Variants in WASF2 observed in about 807,000 individuals in gnomAD.
WASF2 encodes the protein WASP family member 2.
A neutral mutation model predicts 45.0 loss-of-function variants in WASF2; 14 were observed. The observed-to-expected ratio is 0.31, with a 90% confidence interval of 0.21 to 0.49. WASF2 has a LOEUF of 0.49. WASF2 is among the 20% of genes least tolerant of loss of function. The probability of loss-of-function intolerance (pLI) is 0.99; values close to 1 mark genes in which losing one functional copy is unlikely to be tolerated. For missense variants in WASF2, 439 were observed against 636.1 expected (o/e 0.69, Z 3.33); for synonymous variants, 200 against 236.3 (o/e 0.85, Z 1.41).
At chr1:27,466,905 T>C (rs1361337475) in intron 1 of WASF2, among the ~76,000 whole-genome samples, 5 of 152,072 alleles carry the variant, frequency 3.3e-5, no homozygotes, top group African/African-American at 9.7e-5. Context: ...TGTCATTATA[T>C]TAATGTTAAA....
At chr1:27,473,635 T>A (rs942508728) in intron 1 of WASF2, among the ~76,000 whole-genome samples, 6 of 152,134 alleles carry the variant, frequency 3.9e-5, no homozygotes, top group African/African-American at 1.4e-4. Flanking sequence ...AAACCAATTT[T>A]ACCACAGTCT....
At chr1:27,445,301 A>G (rs2017296500) in intron 1 of WASF2, among the ~76,000 whole-genome samples, 1 of 152,244 alleles carries the variant, frequency 6.6e-6, no homozygotes, top group Non-Finnish European at 1.5e-5. Flanking sequence ...ACCCAGAGTG[A>G]TTCATAACTT....
At chr1:27,438,435 C>A (rs1054339030) in intron 1 of WASF2, among the ~76,000 whole-genome samples, 11 of 152,194 alleles carry the variant, frequency 7.2e-5, no homozygotes, top group African/African-American at 2.4e-4. Context: ...ACCTGGCTAG[C>A]TGTGTAACCA....
intron 1 of WASF2, among the ~76,000 whole-genome samples, chr1:27,453,619 G>A (rs1414061587): frequency 1.4e-5 from 2 of 143,336 alleles, no homozygotes; most frequent in African/African-American, 2.6e-5. Context: ...AGGGCCAAGC[G>A]CGGTGGCTCA....
chr1:27,418,881 A>T (rs532502722), intron 3 of WASF2, 73 bp downstream of exon 3: 412 of 1,367,896 alleles, frequency 3.0e-4, no homozygotes, highest in East Asian at 5.2e-4. Context: ...TTTTTTTTTT[A>T]AATAAATCAG....
At chr1:27,411,056 G>A (rs2016754888) in intron 7 of WASF2, among the ~76,000 whole-genome samples, 1 of 152,210 alleles carries the variant, frequency 6.6e-6, no homozygotes, top group Non-Finnish European at 1.5e-5. Flanking sequence ...GCATCTGACA[G>A]GGCCACCAGC....
At chr1:27,469,105 GT>G (rs1302383526) in intron 1 of WASF2, among the ~76,000 whole-genome samples, 1 of 152,112 alleles carries the variant, frequency 6.6e-6, no homozygotes, top group African/African-American at 2.4e-5. Flanking sequence ...GTGTGGTTAT[GT>G]TTTTTAAAAA....
At chr1:27,484,820 A>G (rs1232789801) in intron 1 of WASF2, among the ~76,000 whole-genome samples, 1 of 151,762 alleles carries the variant, frequency 6.6e-6, no homozygotes, top group African/African-American at 2.4e-5. Flanking sequence ...TCAAAAAAAA[A>G]AAGAATACTC....
chr1:27,456,316 TAAAAAAAA>T (rs61319408), intron 1 of WASF2, among the ~76,000 whole-genome samples: 1 of 95,344 alleles, frequency 1.0e-5, no homozygotes, highest in Non-Finnish European at 2.1e-5. Context: ...AGCGAGACTC[TAAAAAAAA>T]AAAAAAAAAA....
chr1:27,468,460 G>A (rs571932526), intron 1 of WASF2, among the ~76,000 whole-genome samples: 1 of 151,862 alleles, frequency 6.6e-6, no homozygotes, highest in African/African-American at 2.4e-5. Flanking sequence ...GACCAACATG[G>A]TGAAATCCCG....
chr1:27,419,215 C>T (rs898699750), intron 2 of WASF2, 127 bp from the exon 3 acceptor site: 38 of 1,017,240 alleles, frequency 3.7e-5, no homozygotes, highest in Admixed American at 1.1e-4. Flanking sequence ...TACCCTAAGA[C>T]GGTTTGGGCT....
chr1:27,481,089 G>A (rs2017842118), intron 1 of WASF2, among the ~76,000 whole-genome samples: 1 of 148,310 alleles, frequency 6.7e-6, no homozygotes, highest in African/African-American at 2.5e-5. Context: ...GAGGTCAGGA[G>A]ATCAAGACCA....
intron 2 of WASF2, among the ~76,000 whole-genome samples, chr1:27,422,905 G>A (rs1049919847): frequency 3.9e-5 from 6 of 152,134 alleles, no homozygotes; most frequent in Non-Finnish European, 7.4e-5. Context: ...TTGGGAGGCC[G>A]AGGCGGGTGG....
In WASF2 at chr1:27,407,877, C is replaced by T. The variant is rs112630484; in HGVS notation, c.*312G>A. ...CTCCTAAGGGAAGCCCCATCTCCAA[C>T]AGAAACCCGATCAAAGGAATCTGCT... On this transcript the variant is annotated 3_prime_UTR_variant, in exon 9 of 9. Coordinates refer to ENST00000618852, the MANE Select transcript of WASF2 (RefSeq NM_006990.5). 3.3e-3 allele frequency: 869 copies of T among 260,338 alleles called. 6 individuals carry two copies. The highest frequency in any genetic ancestry group is 0.017 in the African/African-American group (746 of 44,926). 16.1% of individuals were successfully genotyped at this position (260,338 alleles called of 1,614,324 possible).
chr1:27,430,671 C>T (rs1018030839), intron 1 of WASF2, among the ~76,000 whole-genome samples: 1 of 152,226 alleles, frequency 6.6e-6, no homozygotes, highest in Non-Finnish European at 1.5e-5. Context: ...CGGGGTCTCA[C>T]TCTGTCATCC....
intron 1 of WASF2, among the ~76,000 whole-genome samples, chr1:27,451,852 G>C (rs988762035): frequency 6.6e-6 from 1 of 152,146 alleles, no homozygotes; most frequent in Non-Finnish European, 1.5e-5. Flanking sequence ...ACTGCAGATA[G>C]TACTGAGGTG....
intron 1 of WASF2, among the ~76,000 whole-genome samples, chr1:27,485,160 A>AC (rs1487516181): frequency 6.6e-6 from 1 of 152,202 alleles, no homozygotes; most frequent in African/African-American, 2.4e-5. Context: ...CAAAAAAAAA[A>AC]AATTGGCAAA....
intron 1 of WASF2, among the ~76,000 whole-genome samples, chr1:27,431,434 G>C (rs962809474): frequency 6.6e-6 from 1 of 152,156 alleles, no homozygotes; most frequent in Non-Finnish European, 1.5e-5. Context: ...ACCTTGCAGG[G>C]CTCTGAACAC....
intron 1 of WASF2, among the ~76,000 whole-genome samples, chr1:27,466,960 A>T (rs2017621168): frequency 6.6e-6 from 1 of 152,090 alleles, no homozygotes; most frequent in Admixed American, 6.6e-5. Flanking sequence ...CACACTGGTA[A>T]TCCTAGCACT....
Sources: gnomAD v4.1 joint callset for allele counts (sites outside exome capture counted in the v4.1 genomes callset) on GRCh38, gnomAD v4.1.1 for gene constraint, MANE v1.5 for transcripts, NCBI Gene and HGNC (gene_info 2026-07-23, HGNC 2026-07-21) for gene names.